The following RASSF4 variants were observed in gnomAD, a reference collection of about 807,000 sequenced individuals.
RASSF4 encodes the protein ras association domain-containing protein 4.
A neutral mutation model predicts 41.1 loss-of-function variants in RASSF4; 38 were observed. The ratio of observed to expected loss-of-function variants is 0.92; its 90% CI spans 0.71 to 1.21. The LOEUF (loss-of-function observed/expected upper bound fraction) is 1.21, where lower values mean the gene tolerates loss of function less well. RASSF4 is among the 50% of genes most tolerant of loss of function. The pLI is 0.00. For missense variants in RASSF4, 414 were observed against 419.4 expected (o/e 0.99, Z 0.11); for synonymous variants, 179 against 163.4 (o/e 1.10, Z -0.73).
chr10:44,975,529 CT>C (rs1228424829), intron 3 of RASSF4, among the ~76,000 whole-genome samples: 19 of 114,698 alleles, frequency 1.7e-4, no homozygotes, highest in Non-Finnish European at 3.0e-4. Context: ...CCCAGCCCCA[CT>C]CCCCTCTCCA....
intron 5 of RASSF4, 93 bp from the exon 6 acceptor site, chr10:44,984,720 C>T (rs558739404): frequency 2.8e-6 from 4 of 1,435,396 alleles, no homozygotes; most frequent in African/African-American, 2.8e-5. Flanking sequence ...TGCACGTGAC[C>T]ACAGGGCTCT....
intron 3 of RASSF4, among the ~76,000 whole-genome samples, chr10:44,972,397 A>G (rs756211950): frequency 1.3e-5 from 2 of 152,248 alleles, no homozygotes; most frequent in Admixed American, 1.3e-4. Flanking sequence ...TCAGCCGCCC[A>G]TCAGATCAAA....
At chr10:44,960,330 C>T (rs1840660555) in intron 1 of RASSF4, among the ~76,000 whole-genome samples, 1 of 152,208 alleles carries the variant, frequency 6.6e-6, no homozygotes, top group Non-Finnish European at 1.5e-5. Context: ...ACACGATATG[C>T]CTCTTACTCC....
At position 44,984,014 on chromosome 10, in the gene RASSF4, G is replaced by C. The variant is rs1467236562; in HGVS notation, c.282-8G>C. 6.3e-7 allele frequency: 1 copy of C among 1,590,938 alleles called. No individual in the cohort carries two copies. ...AGCCATCTCAGCCCTGCAGTTGTCT[G>C]TTTTCAGAAAGGAGCCATCGCCCCA... is the stretch of plus-strand genomic sequence containing the variant. On this transcript the variant is annotated splice_region_variant and splice_polypyrimidine_tract_variant and intron_variant, in intron 4 of 10. Coordinates refer to ENST00000340258, the MANE Select transcript of RASSF4 (RefSeq NM_032023.4).
At chr10:44,966,423 G>T (rs1262763622) in intron 1 of RASSF4, among the ~76,000 whole-genome samples, 1 of 152,156 alleles carries the variant, frequency 6.6e-6, no homozygotes, top group African/African-American at 2.4e-5. Context: ...CCCAAACACT[G>T]GTGGGACTTC....
At chr10:44,989,231 C>G (rs548683623) in intron 6 of RASSF4, 43 bp from the exon 7 acceptor site, 12 of 1,266,746 alleles carry the variant, frequency 9.5e-6, no homozygotes, top group Non-Finnish European at 1.3e-5. Flanking sequence ...AGTCCCTTGT[C>G]CCCTCTGGGC....
chr10:44,980,549 C>T (rs1182020006), intron 3 of RASSF4, among the ~76,000 whole-genome samples: 2 of 152,212 alleles, frequency 1.3e-5, no homozygotes, highest in Non-Finnish European at 2.9e-5. Context: ...CAGCCAAGCC[C>T]CCGACCTTGT....
chr10:44,989,818 G>A, intron 8 of RASSF4, 97 bp downstream of exon 8: 1 of 1,089,788 alleles, frequency 9.2e-7, no homozygotes, highest in South Asian at 1.3e-5. Context: ...CTCCCTTCCA[G>A]ATGGGCTCCG....
chr10:44,983,361 A>T (rs1435081771), intron 4 of RASSF4: 1 of 194,942 alleles, frequency 5.1e-6, no homozygotes, highest in African/African-American at 2.4e-5. Context: ...CACTCAGCGA[A>T]TTCTGAGGCA....
At chr10:44,962,602 C>T (rs1439740695) in intron 1 of RASSF4, among the ~76,000 whole-genome samples, 5 of 152,206 alleles carry the variant, frequency 3.3e-5, no homozygotes, top group Non-Finnish European at 7.3e-5. Context: ...AGCAGGCACC[C>T]AGAGGGGTCT....
intron 1 of RASSF4, among the ~76,000 whole-genome samples, chr10:44,963,676 G>A (rs537190655): frequency 6.6e-6 from 1 of 152,270 alleles, no homozygotes; most frequent in African/African-American, 2.4e-5. Flanking sequence ...TGCTTCCCAG[G>A]TCACTTTCGT....
chr10:44,964,396 C>T (rs1193220534), intron 1 of RASSF4, among the ~76,000 whole-genome samples: 1 of 152,200 alleles, frequency 6.6e-6, no homozygotes, highest in Non-Finnish European at 1.5e-5. Flanking sequence ...CGGGCCCAGA[C>T]AAAGAAAGCT....
intron 1 of RASSF4, among the ~76,000 whole-genome samples, chr10:44,964,651 A>G (rs1840834348): frequency 1.3e-5 from 2 of 152,192 alleles, no homozygotes; most frequent in Admixed American, 6.5e-5. Flanking sequence ...AAAAGACTGA[A>G]AAATACTCCA....
chr10:44,971,501 G>A lies in RASSF4; in HGVS notation c.63-272G>A, dbSNP rs578177424. The A allele has an allele frequency of 1.8e-5, 11 of 627,344 alleles. No homozygotes were observed. The East Asian group carries it at 2.0e-4, about 11-fold the overall frequency. 38.9% of individuals were successfully genotyped at this position (627,344 alleles called of 1,614,324 possible). ...CCTTACCTGTGATAGTGAAAGTGTC[G>A]GCACCCTGGACATCCTGGACCAGAC... On this transcript the variant is annotated intron_variant, in intron 2 of 10. Coordinates refer to ENST00000340258, the MANE Select transcript of RASSF4 (RefSeq NM_032023.4).
At chr10:44,990,119 A>G (rs542461249) in intron 8 of RASSF4, among the ~76,000 whole-genome samples, 16 of 152,280 alleles carry the variant, frequency 1.1e-4, no homozygotes, top group Admixed American at 3.3e-4. Flanking sequence ...CGAGTCAGGA[A>G]GGGTGGGGTG....
At chr10:44,982,785 C>A in intron 4 of RASSF4, 122 bp downstream of exon 4, 1 of 1,103,932 alleles carries the variant, frequency 9.1e-7, no homozygotes, top group Non-Finnish European at 1.3e-6. Flanking sequence ...GGTGACCCAG[C>A]CTCATCCCCA....
intron 1 of RASSF4, among the ~76,000 whole-genome samples, chr10:44,960,490 TG>T (rs1235480583): frequency 9.2e-5 from 14 of 152,220 alleles, no homozygotes; most frequent in Admixed American, 8.5e-4. Flanking sequence ...CTGAGTCTCT[TG>T]CTCTTCACCC....
intron 4 of RASSF4, chr10:44,983,791 C>T (rs1234494555): frequency 1.6e-6 from 1 of 629,068 alleles, no homozygotes; most frequent in Non-Finnish European, 2.7e-6. Flanking sequence ...AGCACAAGCC[C>T]TCAGGTCTGC....
intron 3 of RASSF4, among the ~76,000 whole-genome samples, chr10:44,973,708 T>G (rs906196905): frequency 3.1e-4 from 47 of 152,198 alleles, no homozygotes; most frequent in African/African-American, 1.1e-3. Context: ...TTCCCCAAGA[T>G]AATCCCCTCT....
Sources: allele counts gnomAD v4.1 joint callset (sites outside exome capture counted in the v4.1 genomes callset), GRCh38; gene constraint gnomAD v4.1.1; transcripts MANE v1.5; gene names NCBI Gene and HGNC (gene_info 2026-07-23, HGNC 2026-07-21).